Variants in ARID5B observed in about 807,000 individuals in gnomAD.
ARID5B encodes AT-rich interactive domain-containing protein 5B.
In ARID5B, 13 loss-of-function variants were observed where a neutral mutation model predicts 97.2. That is an observed-to-expected ratio of 0.13 (90% CI 0.09 to 0.21). The LOEUF (loss-of-function observed/expected upper bound fraction) is 0.21. Ranked by LOEUF, ARID5B falls within the 10% of genes least tolerant of loss-of-function variation. The pLI, the probability that ARID5B is intolerant of heterozygous loss-of-function variation, is 1.00. For synonymous variants in ARID5B, 556 were observed against 570.3 expected (o/e 0.97, Z 0.36); for missense variants, 1,210 against 1,465.3 (o/e 0.83, Z 2.84).
intron 3 of ARID5B, among the ~76,000 whole-genome samples, chr10:61,957,949 C>T (rs759532733): frequency 1.3e-5 from 2 of 152,128 alleles, no homozygotes; most frequent in African/African-American, 4.8e-5. Context: ...AATATGAAGA[C>T]GAAAGGGACC....
chr10:62,092,546 C>G lies in ARID5B; in HGVS notation c.3083C>G (p.Ala1028Gly). 6.2e-7 allele frequency: 1 copy of G among 1,614,168 alleles called. No individual in the cohort carries two copies. The highest frequency in any genetic ancestry group is 8.5e-7 in the Non-Finnish European group (1 of 1,180,028). Residue 1028 changes from alanine to glycine, a missense_variant, in exon 10 of 10, where the codon GCC (alanine) becomes GGC (glycine). By Grantham distance (60) the Ala-to-Gly change is moderately conservative (BLOSUM62 0). This residue lies in a region of ARID5B where 800 missense variants were observed against 839.1 expected (regional missense o/e 0.95). Transcript: ENST00000279873. Reference protein sequence around the residue: ...DLDLVIAGKKARAVSPLDPSK... With the variant: ...DLDLVIAGKKGRAVSPLDPSK... ...GACCTTGTGATTGCAGGGAAAAAGG[C>G]CCGGGCAGTGTCTCCCTTAGACCCA... is the stretch of plus-strand genomic sequence containing the variant.
chr10:62,095,091 T>C lies in ARID5B; in HGVS notation c.*2061T>C, dbSNP rs1407850310. On this transcript the variant is annotated 3_prime_UTR_variant, in exon 10 of 10. Coordinates refer to ENST00000279873, the MANE Select transcript of ARID5B (RefSeq NM_032199.3). ...ATTTGCTTCAATTAATTATTTACCT[T>C]CCTGTGGAATAATATATATATATAT... 1.7e-5 allele frequency: 4 copies of C among 228,884 alleles called. No individual in the cohort carries two copies. Among genetic ancestry groups the C allele is most frequent in the African/African-American group, 8.9e-5 (4 of 45,018 alleles). 14.2% of individuals were successfully genotyped at this position (228,884 alleles called of 1,614,324 possible).
intron 2 of ARID5B, among the ~76,000 whole-genome samples, chr10:61,929,376 C>T (rs1201996985): frequency 6.6e-6 from 1 of 152,134 alleles, no homozygotes; most frequent in East Asian, 1.9e-4. Flanking sequence ...TACACTTGTG[C>T]ATTTATTGTC....
At chr10:61,952,192 G>A (rs1406686249) in intron 3 of ARID5B, among the ~76,000 whole-genome samples, 2 of 152,028 alleles carry the variant, frequency 1.3e-5, no homozygotes, top group Non-Finnish European at 2.9e-5. Context: ...TCAGTCCCCT[G>A]CCTTCCAAAC....
intron 8 of ARID5B, among the ~76,000 whole-genome samples, chr10:62,082,045 T>C (rs1168797696): frequency 6.6e-6 from 1 of 152,166 alleles, no homozygotes; most frequent in Admixed American, 6.5e-5. Flanking sequence ...AAATCTTGCT[T>C]TTCACAGTGA....
intron 2 of ARID5B, among the ~76,000 whole-genome samples, chr10:61,930,825 C>G (rs1844197235): frequency 6.6e-6 from 1 of 152,158 alleles, no homozygotes; most frequent in African/African-American, 2.4e-5. Flanking sequence ...TCATCTATCC[C>G]TCTTCACATC....
chr10:61,997,784 G>T (rs1839021540), intron 3 of ARID5B, among the ~76,000 whole-genome samples: 2 of 152,136 alleles, frequency 1.3e-5, no homozygotes, highest in South Asian at 2.1e-4. Flanking sequence ...CACATTGGGG[G>T]CTGCTTCTTG....
At position 62,044,033 on chromosome 10, in the gene ARID5B, CT is replaced by C. The variant is rs533162545; in HGVS notation, c.734-6840del. Among the ~76,000 whole-genome samples, 651 of 141,410 alleles carry C rather than the reference CT, an allele frequency of 4.6e-3. 1 individual carries two copies. Among genetic ancestry groups the C allele is most frequent in the South Asian group, 0.02 (88 of 4,442 alleles). 92.8% of individuals were successfully genotyped at this position (141,410 alleles called of 152,430 possible). A position where few individuals can be genotyped will look rare whatever the true frequency, so the allele number is the denominator to read the frequency against. On this transcript the variant is annotated intron_variant, in intron 4 of 9. Coordinates refer to ENST00000279873, the MANE Select transcript of ARID5B (RefSeq NM_032199.3). The stretch of plus-strand genomic sequence containing the variant: ...TGACGACCTCATATGAAGCCAGCTT[CT>C]TTTTTTTTTTTTTTAAATGTTCTTT...
chr10:61,949,625 G>A (rs189302692), intron 3 of ARID5B, among the ~76,000 whole-genome samples: 4 of 151,840 alleles, frequency 2.6e-5, no homozygotes, highest in Admixed American at 6.6e-5. Flanking sequence ...CAACAAGAGC[G>A]AAACTTTGTC....
chr10:62,011,165 G>T (rs757771791), intron 4 of ARID5B, among the ~76,000 whole-genome samples: 1 of 152,100 alleles, frequency 6.6e-6, no homozygotes, highest in African/African-American at 2.4e-5. Flanking sequence ...TAACACACAG[G>T]ATTCAGCAGG....
intron 4 of ARID5B, among the ~76,000 whole-genome samples, chr10:62,036,823 G>A (rs954982667): frequency 3.9e-5 from 6 of 152,156 alleles, no homozygotes; most frequent in African/African-American, 1.2e-4. Flanking sequence ...GTGACTCTGG[G>A]CGAGTGGCAG....
At chr10:61,936,147 G>A (rs1198790337) in intron 2 of ARID5B, among the ~76,000 whole-genome samples, 3 of 152,080 alleles carry the variant, frequency 2.0e-5, no homozygotes, top group African/African-American at 7.2e-5. Context: ...ATAGCATCTT[G>A]ACTTTTATTT....
intron 4 of ARID5B, among the ~76,000 whole-genome samples, chr10:62,047,597 A>G (rs545111597): frequency 1.3e-5 from 2 of 152,264 alleles, no homozygotes; most frequent in East Asian, 3.9e-4. Context: ...TTCTGTCAGT[A>G]AGTACATAGC....
At chr10:61,979,912 T>G (rs926147194) in intron 3 of ARID5B, among the ~76,000 whole-genome samples, 2 of 152,062 alleles carry the variant, frequency 1.3e-5, no homozygotes, top group African/African-American at 4.8e-5. Flanking sequence ...GCTAACATGG[T>G]GAAACCCCGT....
At chr10:61,942,943 T>C (rs1162265547) in intron 3 of ARID5B, among the ~76,000 whole-genome samples, 2 of 152,210 alleles carry the variant, frequency 1.3e-5, no homozygotes, top group Admixed American at 1.3e-4. Flanking sequence ...GGCTCTCTCC[T>C]GGGGCACAAG....
chr10:61,976,611 C>T (rs1167631982), intron 3 of ARID5B, among the ~76,000 whole-genome samples: 1 of 152,100 alleles, frequency 6.6e-6, no homozygotes, highest in East Asian at 1.9e-4. Context: ...TCAAACAGTG[C>T]CTAACCTTGG....
intron 9 of ARID5B, among the ~76,000 whole-genome samples, chr10:62,090,547 A>C (rs898013378): frequency 6.6e-6 from 1 of 152,266 alleles, no homozygotes; most frequent in South Asian, 2.1e-4. Flanking sequence ...ACAAGAAGAC[A>C]ACCTTAGAAT....
At chr10:62,050,007 G>A (rs1209781517) in intron 4 of ARID5B, among the ~76,000 whole-genome samples, 4 of 152,182 alleles carry the variant, frequency 2.6e-5, no homozygotes, top group Admixed American at 2.6e-4. Context: ...GACTGATGAA[G>A]TTAAATGTGA....
At chr10:62,049,197 G>T in intron 4 of ARID5B, 1 of 1,307,420 alleles carries the variant, frequency 7.6e-7, no homozygotes, top group Non-Finnish European at 9.7e-7. Context: ...TCCGTGCGGG[G>T]AGGTGGAGAG....
Sources: gnomAD v4.1 joint callset for allele counts (sites outside exome capture counted in the v4.1 genomes callset) on GRCh38, gnomAD v4.1.1 for gene constraint, gnomAD v4.1.1 regional missense constraint, MANE v1.5 for transcripts, NCBI Gene and HGNC (gene_info 2026-07-23, HGNC 2026-07-21) for gene names.